RALGPS1: variants seen among roughly 807,000 people sequenced by gnomAD.
RALGPS1 encodes Ral GEF with PH domain and SH3 binding motif 1.
A neutral mutation model predicts 78.8 loss-of-function variants in RALGPS1; 19 were observed. The observed-to-expected ratio is 0.24, with a 90% confidence interval of 0.17 to 0.35. RALGPS1 has a LOEUF of 0.35. Among genes scored for constraint, RALGPS1 ranks in the 10% least tolerant of loss-of-function variants. RALGPS1 has a pLI of 1.00. For synonymous variants in RALGPS1, 228 were observed against 256.3 expected, an observed-to-expected ratio of 0.89 and a Z score of 1.06; for missense variants, 454 against 688.3, an observed-to-expected ratio of 0.66 and a Z score of 3.81.
intron 7 of RALGPS1, among the ~76,000 whole-genome samples, chr9:127,067,608 T>C (rs1489582955): frequency 6.6e-6 from 1 of 152,220 alleles, no homozygotes; most frequent in Non-Finnish European, 1.5e-5. Flanking sequence ...ACAATGGGGC[T>C]TTTGAACACT....
At chr9:127,034,654 T>C in intron 5 of RALGPS1, 140 bp downstream of exon 5, 1 of 712,478 alleles carries the variant, frequency 1.4e-6, no homozygotes, top group East Asian at 2.6e-5. Context: ...CCCCCACCTT[T>C]ATCCAGTTTT....
chr9:127,195,421 C>G (rs2061305128), intron 12 of RALGPS1, among the ~76,000 whole-genome samples: 1 of 152,200 alleles, frequency 6.6e-6, no homozygotes, highest in South Asian at 2.1e-4. Flanking sequence ...TGTGGCAGCA[C>G]TGACTCCACA....
rs117269571 is a variant in RALGPS1 at position 127,210,830 on chromosome 9, C to T, written c.1248-1301C>T. On this transcript the variant is annotated intron_variant, in intron 14 of 18. Transcript: ENST00000259351. ...GTTTGACACATAGCTTGTTATGTGG[C>T]CTTTTGGATGCCAAGCACTGTGCTA... 385 of 1,452,040 alleles carry T rather than the reference C, an allele frequency of 2.7e-4. 1 individual carries two copies. Among genetic ancestry groups the T allele is most frequent in the Non-Finnish European group, 3.3e-4 (345 of 1,058,294 alleles). 89.9% of individuals were successfully genotyped at this position (1,452,040 alleles called of 1,614,324 possible).
At position 127,177,776 on chromosome 9, in the gene RALGPS1, AC is replaced by A. The variant is rs2059965622; in HGVS notation, c.910+2998del. On this transcript the variant is annotated intron_variant, in intron 11 of 18. Transcript: ENST00000259351. ...GCACTGCATTTCCTGGCCTCCTTTG[AC>A]CCCTGACTGTCCTGGAAGTCAGCTG... The A allele has an allele frequency of 5.2e-6, 8 of 1,526,926 alleles. 1 individual carries two copies. The South Asian group carries it at 9.6e-5, about 18-fold the overall frequency. 94.6% of individuals were successfully genotyped at this position (1,526,926 alleles called of 1,614,324 possible).
At chr9:126,978,621 AAGT>A (rs2040919062) in intron 4 of RALGPS1, among the ~76,000 whole-genome samples, 1 of 151,958 alleles carries the variant, frequency 6.6e-6, no homozygotes. Context: ...AAAAAAAAAA[AAGT>A]AGCTGAATAG....
At chr9:126,962,699 TCATTCCAA>T (rs1290823697) in intron 2 of RALGPS1, among the ~76,000 whole-genome samples, 1 of 152,210 alleles carries the variant, frequency 6.6e-6, no homozygotes, top group Non-Finnish European at 1.5e-5. Context: ...CAGACAGAAG[TCATTCCAA>T]CTGGCCCTGG....
chr9:126,966,050 AT>A (rs1681038291), intron 3 of RALGPS1, 99 bp downstream of exon 3: 1 of 838,038 alleles, frequency 1.2e-6, no homozygotes, highest in Non-Finnish European at 2.0e-6. Context: ...AACATTCTAT[AT>A]GCCCAGCAAG....
chr9:127,003,911 A>G (rs2043589832), intron 4 of RALGPS1, among the ~76,000 whole-genome samples: 1 of 152,296 alleles, frequency 6.6e-6, no homozygotes, highest in Admixed American at 6.5e-5. Context: ...TTATGTTGTC[A>G]GAAGACGAAA....
intron 10 of RALGPS1, among the ~76,000 whole-genome samples, chr9:127,169,245 G>A (rs2059444393): frequency 6.6e-6 from 1 of 152,190 alleles, no homozygotes; most frequent in African/African-American, 2.4e-5. Context: ...TTTCATGGAT[G>A]AGACAGTTCC....
intron 14 of RALGPS1, among the ~76,000 whole-genome samples, chr9:127,200,539 G>A (rs1352025503): frequency 6.6e-6 from 1 of 152,230 alleles, no homozygotes; most frequent in Admixed American, 6.5e-5. Context: ...GGCCAGATAC[G>A]GGGACTGTCC....
intron 8 of RALGPS1, among the ~76,000 whole-genome samples, chr9:127,158,943 C>T (rs534223304): frequency 2.6e-5 from 4 of 151,488 alleles, no homozygotes; most frequent in Admixed American, 6.6e-5. Flanking sequence ...CCAGATGCCC[C>T]GAAGCCACAC....
At chr9:127,078,747 G>A (rs2050904911) in intron 8 of RALGPS1, among the ~76,000 whole-genome samples, 1 of 152,188 alleles carries the variant, frequency 6.6e-6, no homozygotes, top group Non-Finnish European at 1.5e-5. Flanking sequence ...AGCCCATTTT[G>A]TGCAAGAAAA....
chr9:127,069,478 T>A, intron 8 of RALGPS1, 122 bp downstream of exon 8: 1 of 1,152,132 alleles, frequency 8.7e-7, no homozygotes, highest in Non-Finnish European at 1.2e-6. Context: ...AAAGAGGCAA[T>A]TGGTTGGCTC....
Position 127,187,893 on chromosome 9 carries a change from C to T in RALGPS1, c.911-7198C>T, listed in dbSNP as rs369318410. On this transcript the variant is annotated intron_variant, in intron 11 of 18. Coordinates refer to ENST00000259351, the MANE Select transcript of RALGPS1 (RefSeq NM_014636.3). Reference sequence around the variant, plus strand: ...GCGCTTTGAGCAGAGTTTCTTCCCCCGGGGTGCACAGCAGAATCACCTGGA... The same window carrying T: ...GCGCTTTGAGCAGAGTTTCTTCCCCTGGGGTGCACAGCAGAATCACCTGGA... Among the ~76,000 whole-genome samples the T allele has an allele frequency of 2.0e-5, 3 of 152,110 alleles. No individual in the cohort carries two copies. The South Asian group carries it at 6.2e-4, about 32-fold the overall frequency.
chr9:127,139,599 G>C (rs953213960), intron 8 of RALGPS1, among the ~76,000 whole-genome samples: 7 of 152,232 alleles, frequency 4.6e-5, no homozygotes, highest in African/African-American at 9.6e-5. Context: ...AGGAGAAGCA[G>C]AACCCTCCTT....
intron 14 of RALGPS1, among the ~76,000 whole-genome samples, chr9:127,200,557 G>A (rs1172832887): frequency 1.3e-5 from 2 of 152,232 alleles, no homozygotes; most frequent in Non-Finnish European, 2.9e-5. Context: ...TCCCATATTG[G>A]TCAGTCAGTC....
rs754372755 is a variant in RALGPS1, at chr9:127,212,177, C to T, written c.1294C>T (p.Pro432Ser). ...ICSLGNSAAV[P>S]TMEGPLRRKT... ...TTCTCTGGGGAACTCCGCAGCTGTG[C>T]CCACCATGGAGGGGCCTCTGAGAAG... Residue 432 changes from proline (P) to serine (S), a missense_variant, in exon 15 of 19, where the codon CCC becomes TCC. Transcript: ENST00000259351. The surrounding 1 kb of genome is among the most constrained non-coding windows in gnomAD (Gnocchi z 6.0). The T allele has an allele frequency of 6.2e-7, 1 of 1,613,882 alleles. No homozygotes were observed. Among genetic ancestry groups the T allele is most frequent in the Non-Finnish European group, 8.5e-7 (1 of 1,179,934 alleles).
chr9:127,191,192 CTGATTT>C (rs1443634585), intron 11 of RALGPS1, among the ~76,000 whole-genome samples: 3 of 152,176 alleles, frequency 2.0e-5, no homozygotes, highest in Non-Finnish European at 4.4e-5. Context: ...CCTTTTAACA[CTGATTT>C]TGATGTCGTT....
intron 4 of RALGPS1, among the ~76,000 whole-genome samples, chr9:126,984,420 TAAG>T (rs1160786808): frequency 1.3e-5 from 2 of 152,246 alleles, no homozygotes; most frequent in Non-Finnish European, 2.9e-5. Context: ...CTGAAATTCT[TAAG>T]AAGAATTTTT....
Sources: allele counts gnomAD v4.1 joint callset (sites outside exome capture counted in the v4.1 genomes callset), GRCh38; gene constraint gnomAD v4.1.1; non-coding constraint Gnocchi (gnomAD v3.1); transcripts MANE v1.5; gene names NCBI Gene and HGNC (gene_info 2026-07-23, HGNC 2026-07-21).